The following AGMO variants were observed in gnomAD, a reference collection of about 807,000 sequenced individuals.
AGMO encodes the protein alkylglycerol monooxygenase, also known as glyceryl-ether monooxygenase.
A neutral mutation model predicts 60.2 loss-of-function variants in AGMO; 75 were observed. That is an observed-to-expected ratio of 1.25 (90% CI 1.03 to 1.51). AGMO has a LOEUF of 1.51. Among genes scored for constraint, AGMO ranks in the 40% most tolerant of loss-of-function variants. The pLI is 0.00. For synonymous variants in AGMO, 261 were observed against 177.1 expected (o/e 1.47, Z -3.76); for missense variants, 763 against 525.5 (o/e 1.45, Z -4.42).
intron 12 of AGMO, among the ~76,000 whole-genome samples, chr7:15,320,925 CAAGTT>C (rs1781090065): frequency 6.6e-6 from 1 of 152,060 alleles, no homozygotes; most frequent in Non-Finnish European, 1.5e-5. Context: ...GTGACTTGCA[CAAGTT>C]AAGGGTTTCA....
chr7:15,521,591 A>C (rs1275441564), intron 3 of AGMO, among the ~76,000 whole-genome samples: 1 of 152,224 alleles, frequency 6.6e-6, no homozygotes, highest in African/African-American at 2.4e-5. Context: ...AACCAATGAC[A>C]AAAAACACAT....
intron 5 of AGMO, among the ~76,000 whole-genome samples, chr7:15,415,600 T>TATTTATCTG (rs1780743308): frequency 6.6e-6 from 1 of 152,088 alleles, no homozygotes; most frequent in Non-Finnish European, 1.5e-5. Context: ...AGAATTAAGT[T>TATTTATCTG]ATTTATCTGC....
chr7:15,532,332 G>A (rs547588010), intron 3 of AGMO, among the ~76,000 whole-genome samples: 1 of 152,282 alleles, frequency 6.6e-6, no homozygotes, highest in East Asian at 1.9e-4. Context: ...AAGCCCATAG[G>A]CTCTGAGATT....
At chr7:15,250,579 ACACACT>A (rs1286889860) in intron 12 of AGMO, among the ~76,000 whole-genome samples, 1 of 151,718 alleles carries the variant, frequency 6.6e-6, no homozygotes, top group East Asian at 1.9e-4. Flanking sequence ...ACACACACAC[ACACACT>A]CTGGTTTATA....
chr7:15,252,319 C>A (rs1160264972), intron 12 of AGMO, among the ~76,000 whole-genome samples: 1 of 152,172 alleles, frequency 6.6e-6, no homozygotes, highest in African/African-American at 2.4e-5. Context: ...ATGAGCCCTG[C>A]CTTCTAGTAC....
chr7:15,333,728 T>C (rs1184074428), intron 12 of AGMO, among the ~76,000 whole-genome samples: 2 of 152,044 alleles, frequency 1.3e-5, no homozygotes, highest in African/African-American at 4.8e-5. Context: ...AAAGTATTGA[T>C]TATGCAAATT....
the AGMO span, among the ~76,000 whole-genome samples, chr7:15,152,416 G>A: frequency 6.6e-6 from 1 of 152,056 alleles, no homozygotes; most frequent in African/African-American, 2.4e-5. Flanking sequence ...ATAAGTTCAT[G>A]TAAGATTTTG....
chr7:15,198,236 A>G (rs868049804), downstream of AGMO, among the ~76,000 whole-genome samples: 30 of 115,820 alleles, frequency 2.6e-4, no homozygotes, highest in Middle Eastern at 7.9e-3. Context: ...AGAGAGAGAG[A>G]GAGAGAGAGA....
At chr7:15,231,490 C>G (rs1410840590) in intron 12 of AGMO, among the ~76,000 whole-genome samples, 2 of 152,132 alleles carry the variant, frequency 1.3e-5, no homozygotes, top group Non-Finnish European at 2.9e-5. Flanking sequence ...TAACACAATG[C>G]AAATTTTGCG....
chr7:15,431,156 A>G, intron 3 of AGMO, 48 bp from the exon 4 acceptor site: 1 of 1,387,446 alleles, frequency 7.2e-7, no homozygotes, highest in South Asian at 1.2e-5. Context: ...AGAACAAAGC[A>G]ACTTCCATTT....
At chr7:15,322,537 T>TATATATATAAATATATATAA (rs1563086218) in intron 12 of AGMO, among the ~76,000 whole-genome samples, 1 of 46,454 alleles carries the variant, frequency 2.2e-5, no homozygotes, top group Non-Finnish European at 3.5e-5. Flanking sequence ...AATATATAAA[T>TATATATATAAATATATATAA]ATATATATAA....
At chr7:15,195,538 C>T (rs550867905), downstream of AGMO, among the ~76,000 whole-genome samples, 11 of 152,318 alleles carry the variant, frequency 7.2e-5, no homozygotes, top group East Asian at 1.9e-4. Context: ...ACTTGGCTGG[C>T]GCCATGTTGT....
chr7:15,366,759 C>A (rs927195741), intron 10 of AGMO, among the ~76,000 whole-genome samples: 1 of 152,008 alleles, frequency 6.6e-6, no homozygotes, highest in Non-Finnish European at 1.5e-5. Context: ...ATCTTTTTAA[C>A]GCTTAAACAT....
At chr7:15,342,290 A>C (rs531231305) in intron 12 of AGMO, among the ~76,000 whole-genome samples, 1 of 152,030 alleles carries the variant, frequency 6.6e-6, no homozygotes, top group East Asian at 1.9e-4. Context: ...GGAGGAGTAA[A>C]ACCTGCAAGT....
intron 12 of AGMO, among the ~76,000 whole-genome samples, chr7:15,319,704 G>A (rs557265289): frequency 1.3e-5 from 2 of 151,906 alleles, no homozygotes; most frequent in South Asian, 4.2e-4. Flanking sequence ...CACACACACG[G>A]AAAGATTCCA....
intron 12 of AGMO, among the ~76,000 whole-genome samples, chr7:15,287,817 A>T (rs904207114): frequency 6.6e-6 from 1 of 152,094 alleles, no homozygotes; most frequent in African/African-American, 2.4e-5. Flanking sequence ...GGTCCTTTTG[A>T]ATACATTACC....
At chr7:15,297,203 A>G (rs1008540797) in intron 12 of AGMO, among the ~76,000 whole-genome samples, 3 of 152,186 alleles carry the variant, frequency 2.0e-5, no homozygotes, top group Non-Finnish European at 4.4e-5. Flanking sequence ...TATGAAAGAT[A>G]GCATAAGTAC....
chr7:15,266,562 T>C (rs1189269703), intron 12 of AGMO, among the ~76,000 whole-genome samples: 1 of 151,914 alleles, frequency 6.6e-6, no homozygotes, highest in Non-Finnish European at 1.5e-5. Flanking sequence ...CCATTTGTCT[T>C]CTGCTCAGTG....
the AGMO span, among the ~76,000 whole-genome samples, chr7:15,163,584 TTTTTTA>T: frequency 2.0e-5 from 3 of 152,078 alleles, no homozygotes; most frequent in African/African-American, 7.2e-5. Flanking sequence ...TGACCTATGG[TTTTTTA>T]TTTTTAATTT....
Sources: gnomAD v4.1 joint callset for allele counts (sites outside exome capture counted in the v4.1 genomes callset) on GRCh38, gnomAD v4.1.1 for gene constraint, MANE v1.5 for transcripts, NCBI Gene and HGNC (gene_info 2026-07-23, HGNC 2026-07-21) for gene names.